TTC7A: variants seen among roughly 807,000 people sequenced by gnomAD.
The protein encoded by TTC7A is tetratricopeptide repeat protein 7A.
A neutral mutation model predicts 103.7 loss-of-function variants in TTC7A; 110 were observed. The ratio of observed to expected loss-of-function variants is 1.06; its 90% confidence interval spans 0.91 to 1.24. The LOEUF (loss-of-function observed/expected upper bound fraction) is 1.24, where lower values mean the gene tolerates loss of function less well. Among genes scored for constraint, TTC7A ranks in the 50% most tolerant of loss-of-function variants. The pLI, the probability that TTC7A is intolerant of heterozygous loss-of-function variation, is 0.00. For missense variants in TTC7A, 1,340 were observed against 1,116.3 expected (o/e 1.20, Z -2.86); for synonymous variants, 521 against 467.9 (o/e 1.11, Z -1.47).
At chr2:46,934,943 G>A (rs1354020972) in intron 2 of TTC7A, among the ~76,000 whole-genome samples, 1 of 151,708 alleles carries the variant, frequency 6.6e-6, no homozygotes, top group East Asian at 1.9e-4. Flanking sequence ...TGGAACTACA[G>A]GCGCGCACCA....
intron 3 of TTC7A, among the ~76,000 whole-genome samples, chr2:46,964,222 G>A (rs1363444251): frequency 2.0e-5 from 3 of 152,200 alleles, no homozygotes; most frequent in Non-Finnish European, 2.9e-5. Flanking sequence ...ACTTGAGGAT[G>A]AATCACCTAC....
At chr2:46,945,824 T>G (rs907628585) in intron 1 of TTC7A, among the ~76,000 whole-genome samples, 50 of 152,222 alleles carry the variant, frequency 3.3e-4, no homozygotes, top group African/African-American at 1.2e-3. Flanking sequence ...GATGGTCTCT[T>G]GCTAGTTTCA....
At chr2:47,054,612 G>T (rs1000961174) in intron 18 of TTC7A, among the ~76,000 whole-genome samples, 1 of 152,028 alleles carries the variant, frequency 6.6e-6, no homozygotes, top group Admixed American at 6.6e-5. Context: ...GCAGGCAGAC[G>T]ACTTGAGCCC....
At chr2:46,963,074 C>G (rs1055624535) in intron 3 of TTC7A, among the ~76,000 whole-genome samples, 1 of 152,220 alleles carries the variant, frequency 6.6e-6, no homozygotes, top group African/African-American at 2.4e-5. Context: ...GGCACCCACC[C>G]CTGGCTCTCT....
At chr2:46,981,100 C>T (rs566669098) in intron 5 of TTC7A, among the ~76,000 whole-genome samples, 1 of 152,292 alleles carries the variant, frequency 6.6e-6, no homozygotes, top group South Asian at 2.1e-4. Flanking sequence ...CACTGGTGAT[C>T]AGCTCAACCT....
chr2:47,060,912 C>T lies in TTC7A; in HGVS notation c.2296C>T (p.Gln766Ter), dbSNP rs776614214. Residue 766 changes from glutamine (Q) to a stop codon, truncating the protein, a stop_gained, in exon 19 of 20, where the codon CAG becomes TAG. Transcript: ENST00000319190. LOFTEE classifies it high-confidence loss of function. ...EVKGNLEEAK[Q>*]LYKEALTVNP... ...GAAGGGCAACCTGGAGGAGGCCAAG[C>T]AGCTGTACAAGGAGGCGCTCACGGT... is the stretch of plus-strand genomic sequence containing the variant. 3.1e-6 allele frequency: 5 copies of T among 1,614,182 alleles called. No individual in the cohort carries two copies. Among genetic ancestry groups the T allele is most frequent in the East Asian group, 2.2e-5 (1 of 44,886 alleles).
intron 18 of TTC7A, among the ~76,000 whole-genome samples, chr2:47,058,685 G>A (rs1216872691): frequency 1.3e-5 from 2 of 152,252 alleles, no homozygotes; most frequent in African/African-American, 2.4e-5. Flanking sequence ...TCAGCCCCAG[G>A]AGTGGGCAGC....
chr2:47,060,828 G>T lies in TTC7A; in HGVS notation c.2212G>T (p.Ala738Ser). The T allele has an allele frequency of 6.2e-7, 1 of 1,613,906 alleles. No individual in the cohort carries two copies. Among genetic ancestry groups the T allele is most frequent in the Non-Finnish European group, 8.5e-7 (1 of 1,179,804 alleles). The change falls in exon 19 of 20, where the codon GCG (alanine) becomes TCG (serine). Residue 738 changes from alanine (A) to serine (S), a missense_variant. Transcript: ENST00000319190. ...AGCAGGTTTCTGCATCCAGGAGGCG[G>T]CGGGCCTCTTCCCCACTTCTCACTC... is the stretch of plus-strand genomic sequence containing the variant. ...KEAGFCIQEAAGLFPTSHSVL... is the reference protein window; with the variant it reads ...KEAGFCIQEASGLFPTSHSVL...
chr2:46,919,191 T>C (rs1446016707), intron 2 of TTC7A, among the ~76,000 whole-genome samples: 1 of 152,232 alleles, frequency 6.6e-6, no homozygotes. Flanking sequence ...AAACTACATA[T>C]TACTTATTTG....
At chr2:47,004,567 C>A (rs554421136) in intron 8 of TTC7A, among the ~76,000 whole-genome samples, 84 of 152,120 alleles carry the variant, frequency 5.5e-4, no homozygotes, top group South Asian at 2.5e-3. Context: ...GTCTTGAGGT[C>A]CTGTGTATGG....
chr2:46,926,979 G>T (rs1669417054), intron 2 of TTC7A, among the ~76,000 whole-genome samples: 1 of 152,002 alleles, frequency 6.6e-6, no homozygotes, highest in African/African-American at 2.4e-5. Flanking sequence ...ATAACGGATA[G>T]ATTGAACTAC....
At chr2:46,985,091 G>A (rs958105721) in intron 5 of TTC7A, among the ~76,000 whole-genome samples, 1 of 152,200 alleles carries the variant, frequency 6.6e-6, no homozygotes. Flanking sequence ...GGGTCAGTGG[G>A]TATGCAGTGC....
At chr2:46,949,524 C>T (rs753668843) in intron 1 of TTC7A, among the ~76,000 whole-genome samples, 9 of 152,108 alleles carry the variant, frequency 5.9e-5, no homozygotes, top group Non-Finnish European at 1.0e-4. Context: ...TGAGCCACTG[C>T]GCTCACTAAA....
chr2:47,068,761 T>C (rs944752660), intron 19 of TTC7A, among the ~76,000 whole-genome samples: 22 of 149,668 alleles, frequency 1.5e-4, no homozygotes, highest in Admixed American at 1.4e-3. Flanking sequence ...TATAGGCTCC[T>C]GAAGTCCATC....
At chr2:46,981,237 T>TA (rs978540472) in intron 5 of TTC7A, among the ~76,000 whole-genome samples, 4 of 152,078 alleles carry the variant, frequency 2.6e-5, no homozygotes, top group Admixed American at 1.3e-4. Context: ...TGTATTTTTT[T>TA]TTTTTAACAA....
chr2:47,004,404 C>T (rs998441569), intron 8 of TTC7A, among the ~76,000 whole-genome samples: 6 of 152,296 alleles, frequency 3.9e-5, no homozygotes, highest in Middle Eastern at 3.4e-3. Context: ...CTGCCTCCAG[C>T]GCCTCACCTG....
At chr2:46,999,649 A>G in intron 8 of TTC7A, 2 of 985,462 alleles carry the variant, frequency 2.0e-6, no homozygotes, top group Non-Finnish European at 2.4e-6. Context: ...AGCCTGCTGA[A>G]CCTCAAACGT....
intron 3 of TTC7A, among the ~76,000 whole-genome samples, chr2:46,971,476 G>T (rs1673351175): frequency 6.6e-6 from 1 of 152,096 alleles, no homozygotes; most frequent in South Asian, 2.1e-4. Flanking sequence ...TGAGGCTGGA[G>T]AATTGATACC....
intron 15 of TTC7A, among the ~76,000 whole-genome samples, chr2:47,042,426 C>G (rs1681849852): frequency 6.6e-6 from 1 of 152,092 alleles, no homozygotes; most frequent in South Asian, 2.1e-4. Context: ...TGCTTGAGCC[C>G]AGGAGATCGA....
Sources: allele counts gnomAD v4.1 joint callset (sites outside exome capture counted in the v4.1 genomes callset), GRCh38; gene constraint gnomAD v4.1.1; transcripts MANE v1.5; gene names NCBI Gene and HGNC (gene_info 2026-07-23, HGNC 2026-07-21).